The following SOCS4 variants were observed in gnomAD, a reference collection of about 807,000 sequenced individuals.
SOCS4 encodes suppressor of cytokine signaling 4, also known as SH2 domain containing SOCS box protein.
A neutral mutation model predicts 34.1 loss-of-function variants in SOCS4; 20 were observed. The observed-to-expected ratio is 0.59, with a 90% CI of 0.41 to 0.85. SOCS4 has a LOEUF of 0.85. Ranked by LOEUF, SOCS4 falls within the 40% of genes least tolerant of loss-of-function variation. The probability of loss-of-function intolerance (pLI) is 0.00; values close to 1 mark genes in which losing one functional copy is unlikely to be tolerated. For synonymous variants in SOCS4, 180 were observed against 186.4 expected (o/e 0.97, Z 0.28); for missense variants, 479 against 532.4 (o/e 0.90, Z 0.99).
At chr14:55,035,122 A>G (rs2042561472) in intron 2 of SOCS4, among the ~76,000 whole-genome samples, 1 of 152,150 alleles carries the variant, frequency 6.6e-6, no homozygotes, top group Non-Finnish European at 1.5e-5. Flanking sequence ...CGGCCTCCCA[A>G]AGTACTGGGA....
chr14:55,043,575 A>G lies in SOCS4; in HGVS notation c.534A>G (p.Arg178=). The change falls in exon 3 of 3, where the codon CGA becomes CGG. Residue 178 remains arginine, a synonymous_variant. Coordinates refer to ENST00000555846, the MANE Select transcript of SOCS4 (RefSeq NM_199421.2). The part of the protein sequence containing the change: ...QTELRDGQLK[R]RNMEENINCF... ...AATTGAGGGATGGTCAGCTAAAACG[A>G]AGAAATATGGAAGAAAATATAAACT... 1 of 1,614,212 alleles carries G rather than the reference A, an allele frequency of 6.2e-7. No individual in the cohort carries two copies. The highest frequency in any genetic ancestry group is 8.5e-7 in the Non-Finnish European group (1 of 1,180,030).
chr14:55,027,790 T>C (rs1566751388), intron 1 of SOCS4: 1 of 152,248 alleles, frequency 6.6e-6, no homozygotes, highest in African/African-American at 2.4e-5. Flanking sequence ...TTAATGCTTA[T>C]TCTTTGCGAC....
chr14:55,043,776 C>T lies in SOCS4; in HGVS notation c.735C>T (p.Asn245=). Reference sequence around the variant, plus strand: ...TTTGCACAAGTTCCAGAAAAAGAAACAAACCCAAATGGGATTTGGATGATG... The same window carrying T: ...TTTGCACAAGTTCCAGAAAAAGAAATAAACCCAAATGGGATTTGGATGATG... ...LTLCTSSRKR[N]KPKWDLDDEI... The change falls in exon 3 of 3, where the codon AAC becomes AAT. Residue 245 remains asparagine, a synonymous_variant. Transcript: ENST00000555846. 1.9e-6 allele frequency: 3 copies of T among 1,614,030 alleles called. No homozygotes were observed. Among genetic ancestry groups the T allele is most frequent in the Non-Finnish European group, 2.5e-6 (3 of 1,179,980 alleles).
At chr14:55,038,193 G>A (rs1441957647) in intron 2 of SOCS4, among the ~76,000 whole-genome samples, 1 of 152,192 alleles carries the variant, frequency 6.6e-6, no homozygotes, top group Non-Finnish European at 1.5e-5. Flanking sequence ...AGAACAGTAT[G>A]GGGGAAACTG....
At chr14:55,037,666 A>G (rs2140245750) in intron 2 of SOCS4, among the ~76,000 whole-genome samples, 1 of 150,346 alleles carries the variant, frequency 6.7e-6, no homozygotes, top group East Asian at 2.0e-4. Flanking sequence ...GCTAATTTTT[A>G]TATTTTTAGT....
At chr14:55,040,411 T>C (rs527954731) in intron 2 of SOCS4, among the ~76,000 whole-genome samples, 17 of 152,300 alleles carry the variant, frequency 1.1e-4, no homozygotes, top group African/African-American at 3.8e-4. Flanking sequence ...TTTAATCATT[T>C]CTAGATTACT....
intron 2 of SOCS4, among the ~76,000 whole-genome samples, chr14:55,036,258 T>C (rs2042571395): frequency 1.3e-5 from 2 of 152,246 alleles, no homozygotes. Context: ...ATCTCTAGGC[T>C]TCTAAAATTA....
intron 2 of SOCS4, among the ~76,000 whole-genome samples, chr14:55,035,749 GCATTAGTACCTC>G (rs1306184306): frequency 1.3e-5 from 2 of 152,090 alleles, no homozygotes; most frequent in Non-Finnish European, 2.9e-5. Flanking sequence ...GAAATAGATA[GCATTAGTACCTC>G]CATTTTACAT....
At chr14:55,030,317 T>C (rs1044090546) in intron 1 of SOCS4, among the ~76,000 whole-genome samples, 3 of 152,182 alleles carry the variant, frequency 2.0e-5, no homozygotes, top group Non-Finnish European at 4.4e-5. Context: ...TAAATCTATT[T>C]ACTAAGCTTC....
At position 55,044,139 on chromosome 14, in the gene SOCS4, C is replaced by G. The variant is rs1256938577; in HGVS notation, c.1098C>G (p.Asp366Glu). The change falls in exon 3 of 3, where the codon GAC (aspartate) becomes GAG (glutamate). Residue 366 changes from aspartate to glutamate, a missense_variant. By Grantham distance (45) the Asp-to-Glu change is conservative. Transcript: ENST00000555846. ...DITGLLEHYK[D>E]PSACMFFEPL... is the part of the protein sequence containing the mutation. ...CTGGGCTCCTAGAACATTATAAGGA[C>G]CCAAGCGCCTGTATGTTCTTTGAAC... is the stretch of plus-strand genomic sequence containing the variant. 9.9e-6 allele frequency: 16 copies of G among 1,614,038 alleles called. No individual in the cohort carries two copies. Among genetic ancestry groups the G allele is most frequent in the African/African-American group, 1.3e-5 (1 of 74,922 alleles).
rs373657015 is a variant in SOCS4, at chr14:55,044,019, C to G, written c.978C>G (p.Arg326=). 3 of 1,614,166 alleles carry G rather than the reference C, an allele frequency of 1.9e-6. No individual in the cohort carries two copies. The highest frequency in any genetic ancestry group is 2.2e-5 in the South Asian group (2 of 91,084). The change falls in exon 3 of 3, where the codon CGC becomes CGG. Residue 326 remains arginine, a synonymous_variant. Coordinates refer to ENST00000555846, the MANE Select transcript of SOCS4 (RefSeq NM_199421.2). ...ATTTATTCTCTGTTAGTTTTAGACGCTATAGTCGTTCTCTTCATGCTAGAA... is the reference window on the plus strand; with the variant it reads ...ATTTATTCTCTGTTAGTTTTAGACGGTATAGTCGTTCTCTTCATGCTAGAA... ...EDYLFSVSFR[R]YSRSLHARIE...
chr14:55,041,974 G>T (rs370749499), intron 2 of SOCS4, among the ~76,000 whole-genome samples: 225 of 150,974 alleles, frequency 1.5e-3, no homozygotes, highest in African/African-American at 5.3e-3. Context: ...TGTATTTTTA[G>T]TAGAGATGGG....
In SOCS4 at chr14:55,045,986, A is replaced by C. The variant is rs918931075; in HGVS notation, c.*1622A>C. 6.0e-6 allele frequency: 1 copy of C among 166,806 alleles called. No homozygotes were observed. The highest frequency in any genetic ancestry group is 1.5e-5 in the Non-Finnish European group (1 of 68,000). 10.3% of individuals were successfully genotyped at this position (166,806 alleles called of 1,614,324 possible). On this transcript the variant is annotated 3_prime_UTR_variant, in exon 3 of 3. Transcript: ENST00000555846. The stretch of plus-strand genomic sequence containing the variant: ...GCTTTAAAATAATTTTTTAGTAATT[A>C]TTACAAAATTAAGGAAAATCTCTAT...
chr14:55,041,756 A>G (rs1220512310), intron 2 of SOCS4, among the ~76,000 whole-genome samples: 5 of 125,896 alleles, frequency 4.0e-5, no homozygotes, highest in Admixed American at 1.7e-4. Context: ...TACAGGTGTG[A>G]GCCACCGTGC....
At position 55,047,520 on chromosome 14, in the gene SOCS4, C is replaced by G. The variant is rs1156765102; in HGVS notation, c.*3156C>G. 1 of 166,952 alleles carries G rather than the reference C, an allele frequency of 6.0e-6. No homozygotes were observed. The highest frequency in any genetic ancestry group is 1.5e-5 in the Non-Finnish European group (1 of 68,100). 10.3% of individuals were successfully genotyped at this position (166,952 alleles called of 1,614,324 possible). A position where few individuals can be genotyped will look rare whatever the true frequency, so the allele number is the denominator to read the frequency against. Reference sequence around the variant, plus strand: ...GGGAATGGTTTAATTTAAAGGAAGACCTAATAGGAAGAAGATTAAAGGAAG... The same window carrying G: ...GGGAATGGTTTAATTTAAAGGAAGAGCTAATAGGAAGAAGATTAAAGGAAG... On this transcript the variant is annotated 3_prime_UTR_variant, in exon 3 of 3. Coordinates refer to ENST00000555846, the MANE Select transcript of SOCS4 (RefSeq NM_199421.2).
At position 55,043,398 on chromosome 14, in the gene SOCS4, A is replaced by T. The variant is rs2042639405; in HGVS notation, c.357A>T (p.Lys119Asn). The T allele has an allele frequency of 6.2e-7, 1 of 1,614,214 alleles. No homozygotes were observed. Among genetic ancestry groups the T allele is most frequent in the Non-Finnish European group, 8.5e-7 (1 of 1,180,036 alleles). Reference sequence around the variant, plus strand: ...GGCACTCTTCAGGGCTTCCGTCTAAAAGGAAAATTCATATCAGTGAACTCA... The same window carrying T: ...GGCACTCTTCAGGGCTTCCGTCTAATAGGAAAATTCATATCAGTGAACTCA... ...SSRHSSGLPS[K>N]RKIHISELML... The change falls in exon 3 of 3, where the codon AAA becomes AAT. Residue 119 changes from lysine to asparagine, a missense_variant. Transcript: ENST00000555846.
chr14:55,040,639 G>T (rs2042609253), intron 2 of SOCS4, among the ~76,000 whole-genome samples: 1 of 151,984 alleles, frequency 6.6e-6, no homozygotes, highest in Admixed American at 6.5e-5. Flanking sequence ...AGCTACTCGG[G>T]AGGCTGAGGC....
chr14:55,043,149 G>C lies in SOCS4; in HGVS notation c.108G>C (p.Lys36Asn), dbSNP rs2042635189. The change falls in exon 3 of 3, where the codon AAG (lysine) becomes AAC (asparagine). Residue 36 changes from lysine (K) to asparagine (N), a missense_variant. Transcript: ENST00000555846. ...RKDGYVWSGK[K>N]LSWSKKSESY... The stretch of plus-strand genomic sequence containing the variant: ...ACGGTTATGTGTGGAGTGGAAAGAA[G>C]TTATCTTGGTCAAAAAAGAGTGAGA... 1 of 1,614,120 alleles carries C rather than the reference G, an allele frequency of 6.2e-7. No individual in the cohort carries two copies.
At chr14:55,029,820 G>T (rs1420889338) in intron 1 of SOCS4, among the ~76,000 whole-genome samples, 1 of 151,968 alleles carries the variant, frequency 6.6e-6, no homozygotes, top group African/African-American at 2.4e-5. Flanking sequence ...ATAATTTTGG[G>T]GTAAATAGTA....
Sources: gnomAD v4.1 joint callset for allele counts (sites outside exome capture counted in the v4.1 genomes callset) on GRCh38, gnomAD v4.1.1 for gene constraint, MANE v1.5 for transcripts, NCBI Gene and HGNC (gene_info 2026-07-23, HGNC 2026-07-21) for gene names.